GNA15: variants seen among roughly 807,000 people sequenced by gnomAD.
GNA15 encodes G protein subunit alpha 15.
GNA15 carries 23 observed loss-of-function variants against 40.1 expected under a neutral mutation model. That is an observed-to-expected ratio of 0.57 (90% CI 0.41 to 0.81). The LOEUF (loss-of-function observed/expected upper bound fraction) is 0.81, where lower values mean the gene tolerates loss of function less well. Among genes scored for constraint, GNA15 ranks in the 40% least tolerant of loss-of-function variants. The pLI, the probability that GNA15 is intolerant of heterozygous loss-of-function variation, is 0.00. For synonymous variants in GNA15, 226 were observed against 210.4 expected (o/e 1.07, Z -0.64); for missense variants, 522 against 515.8 (o/e 1.01, Z -0.12).
rs528992423 is a variant in GNA15, at chr19:3,144,720, G to A, written c.146-3871G>A. ...ATTTTTTGTATTTTTAGTAGAGACG[G>A]GGTTTCACCGTGTTAGCCAGGATGG... On this transcript the variant is annotated intron_variant, in intron 1 of 6. Transcript: ENST00000262958. 4.6e-5 allele frequency among the ~76,000 whole-genome samples: 7 copies of A among 151,438 alleles called. No homozygotes were observed. In the East Asian group the frequency reaches 7.8e-4, roughly 17 times the overall value.
intron 6 of GNA15, among the ~76,000 whole-genome samples, chr19:3,160,937 C>CT (rs149959587): frequency 0.012 from 1,255 of 101,348 alleles, 17 homozygotes; most frequent in South Asian, 0.022. Context: ...GGTATGACCA[C>CT]TTTTTTTTTT....
At chr19:3,147,638 G>A (rs1385830122) in intron 1 of GNA15, among the ~76,000 whole-genome samples, 1 of 151,556 alleles carries the variant, frequency 6.6e-6, no homozygotes, top group African/African-American at 2.4e-5. Context: ...CAGGCGCGGT[G>A]GCTCACGCTT....
chr19:3,144,727 A>T (rs896072393), intron 1 of GNA15, among the ~76,000 whole-genome samples: 1 of 149,060 alleles, frequency 6.7e-6, no homozygotes, highest in African/African-American at 2.5e-5. Context: ...ACGGGGTTTC[A>T]CCGTGTTAGC....
At position 3,162,834 on chromosome 19, in the gene GNA15, G is replaced by C; in HGVS notation, c.940G>C (p.Asp314His). The change falls in exon 7 of 7, where the codon GAC (aspartate) becomes CAC (histidine). Residue 314 changes from aspartate (D) to histidine (H), a missense_variant. Transcript: ENST00000262958. ...DAEAAKRFIL[D>H]MYTRMYTGCV... ...TGAGGCAGCCAAGAGGTTCATCCTG[G>C]ACATGTACACGAGGATGTACACCGG... is the stretch of plus-strand genomic sequence containing the variant. 3 of 1,614,004 alleles carry C rather than the reference G, an allele frequency of 1.9e-6. No individual in the cohort carries two copies. The highest frequency in any genetic ancestry group is 2.5e-6 in the Non-Finnish European group (3 of 1,179,962).
chr19:3,160,832 C>T (rs12975997), intron 6 of GNA15, among the ~76,000 whole-genome samples: 2 of 152,104 alleles, frequency 1.3e-5, no homozygotes, highest in African/African-American at 4.8e-5. Context: ...CAATCTCTGC[C>T]TCCATGTTCA....
At chr19:3,157,456 A>G (rs1915054877) in intron 5 of GNA15, among the ~76,000 whole-genome samples, 1 of 152,232 alleles carries the variant, frequency 6.6e-6, no homozygotes, top group South Asian at 2.1e-4. Context: ...CAGGAGTTCA[A>G]GAATCTCTCT....
intron 1 of GNA15, among the ~76,000 whole-genome samples, chr19:3,147,303 A>G (rs1914747980): frequency 6.6e-6 from 1 of 152,226 alleles, no homozygotes; most frequent in South Asian, 2.1e-4. Context: ...CTGTAATCCC[A>G]GCACTTTGGG....
intron 1 of GNA15, among the ~76,000 whole-genome samples, chr19:3,146,049 C>T (rs937134821): frequency 6.6e-6 from 1 of 152,250 alleles, no homozygotes; most frequent in Middle Eastern, 3.4e-3. Context: ...CTCCGTGCTC[C>T]GGCCTTCTCC....
intron 2 of GNA15, chr19:3,149,542 G>T: frequency 6.4e-6 from 1 of 156,664 alleles, no homozygotes. Context: ...ACACACCCAT[G>T]TACATGTGTA....
chr19:3,144,140 A>C lies in GNA15; in HGVS notation c.146-4451A>C, dbSNP rs1914642285. Among the ~76,000 whole-genome samples the C allele has an allele frequency of 2.0e-5, 3 of 151,298 alleles. No homozygotes were observed. In the South Asian group the frequency reaches 6.3e-4, roughly 32 times the overall value. ...AAGACTCCCTCTCAAAAAAAAAAAA[A>C]AAGAGTTGTCCCCCTCTCGTGGTGA... On this transcript the variant is annotated intron_variant, in intron 1 of 6. Transcript: ENST00000262958.
At chr19:3,145,145 G>A (rs529564455) in intron 1 of GNA15, among the ~76,000 whole-genome samples, 2 of 149,710 alleles carry the variant, frequency 1.3e-5, no homozygotes, top group South Asian at 2.1e-4. Context: ...GAGCCACTGC[G>A]CCCAGCCCTA....
chr19:3,158,022 C>G, intron 6 of GNA15, 141 bp downstream of exon 6: 1 of 669,768 alleles, frequency 1.5e-6, no homozygotes, highest in Non-Finnish European at 2.7e-6. Context: ...TCAGCTCCAT[C>G]CACTGCCCGA....
At chr19:3,139,762 G>A (rs539028033) in intron 1 of GNA15, among the ~76,000 whole-genome samples, 3 of 152,116 alleles carry the variant, frequency 2.0e-5, no homozygotes, top group Middle Eastern at 3.4e-3. Context: ...AGGGCTGGGT[G>A]CGGTGGCTCA....
rs187429042 is a variant in GNA15 at position 3,161,618 on chromosome 19, G to A, written c.899-1175G>A. ...GCCCTGGGAATCAGCTCATAGTTTA[G>A]AGAATTTGGGAACAGGATAAGGTAG... On this transcript the variant is annotated intron_variant, in intron 6 of 6. Coordinates refer to ENST00000262958, the MANE Select transcript of GNA15 (RefSeq NM_002068.4). Among the ~76,000 whole-genome samples the A allele has an allele frequency of 4.3e-3, 659 of 152,254 alleles. 2 individuals are homozygous for A. Among genetic ancestry groups the A allele is most frequent in the Non-Finnish European group, 7.6e-3 (520 of 68,026 alleles).
Position 3,151,688 on chromosome 19 carries a change from A to C in GNA15, c.486-19A>C, listed in dbSNP as rs72983023. The C allele has an allele frequency of 0.089, 140,006 of 1,570,510 alleles. 7,025 individuals are homozygous for C. The highest frequency in any genetic ancestry group is 0.1 in the Non-Finnish European group (116,539 of 1,157,964). ...GAGGCTGGCTGCAAGGCTGGGCCTC[A>C]GGACTCCTTGCTCTGCAGCTACCTG... is the stretch of plus-strand genomic sequence containing the variant. On this transcript the variant is annotated intron_variant, in intron 3 of 6. Transcript: ENST00000262958. This position sits in a 1 kb window ranked among gnomAD's most constrained non-coding sequence, Gnocchi z 5.0.
chr19:3,152,080 A>G (rs1914895274), intron 4 of GNA15, among the ~76,000 whole-genome samples: 1 of 152,076 alleles, frequency 6.6e-6, no homozygotes, highest in Admixed American at 6.5e-5. Flanking sequence ...TGGAGGAGGG[A>G]ATATTAATGG....
At chr19:3,138,962 T>TC (rs1914518791) in intron 1 of GNA15, among the ~76,000 whole-genome samples, 2 of 144,888 alleles carry the variant, frequency 1.4e-5, no homozygotes, top group Non-Finnish European at 3.0e-5. Context: ...TTTCTTTTTT[T>TC]TTAGATTGAG....
chr19:3,150,396 G>A, intron 3 of GNA15, 111 bp downstream of exon 3: 8 of 944,660 alleles, frequency 8.5e-6, no homozygotes, highest in Non-Finnish European at 1.2e-5. Flanking sequence ...GGGCTGTGAG[G>A]TGGTCCTGCT....
chr19:3,148,507 GTTGGGGGTGT>G, intron 1 of GNA15, 74 bp from the exon 2 acceptor site: 1 of 1,354,900 alleles, frequency 7.4e-7, no homozygotes, highest in Non-Finnish European at 1.0e-6. Context: ...CTGGCGTGGA[GTTGGGGGTGT>G]CTGACGTGGG....
Sources: allele counts gnomAD v4.1 joint callset (sites outside exome capture counted in the v4.1 genomes callset), GRCh38; gene constraint gnomAD v4.1.1; non-coding constraint Gnocchi (gnomAD v3.1); transcripts MANE v1.5; gene names NCBI Gene and HGNC (gene_info 2026-07-23, HGNC 2026-07-21).